MDGA2: variants seen among roughly 807,000 people sequenced by gnomAD.
The protein encoded by MDGA2 is MAM domain containing glycosylphosphatidylinositol anchor 2, also known as MAM domain-containing glycosylphosphatidylinositol anchor protein 2.
Under a neutral mutation model 117.8 loss-of-function variants are expected in MDGA2, and 40 were observed. The ratio of observed to expected loss-of-function variants is 0.34; its 90% CI spans 0.26 to 0.44. The LOEUF (loss-of-function observed/expected upper bound fraction) is 0.44, where lower values mean the gene tolerates loss of function less well. Ranked by LOEUF, MDGA2 falls within the 20% of genes least tolerant of loss-of-function variation. The pLI, the probability that MDGA2 is intolerant of heterozygous loss-of-function variation, is 1.00. For synonymous variants in MDGA2, 452 were observed against 439.0 expected (o/e 1.03, Z -0.37); for missense variants, 1,123 against 1,250.6 (o/e 0.90, Z 1.54).
At chr14:47,164,666 G>A (rs2139291379) in intron 3 of MDGA2, among the ~76,000 whole-genome samples, 1 of 152,174 alleles carries the variant, frequency 6.6e-6, no homozygotes, top group East Asian at 1.9e-4. Flanking sequence ...CTGTAAACTA[G>A]TTCAACCATT....
At chr14:47,086,718 G>C (rs1267910898) in intron 6 of MDGA2, among the ~76,000 whole-genome samples, 3 of 152,032 alleles carry the variant, frequency 2.0e-5, no homozygotes, top group Admixed American at 6.5e-5. Context: ...GGCAGCAAAT[G>C]AAAGAGACAT....
intron 7 of MDGA2, among the ~76,000 whole-genome samples, chr14:47,057,634 CTCCCCTCCTT>C (rs1458309552): frequency 1.4e-4 from 1 of 7,360 alleles, no homozygotes; most frequent in Non-Finnish European, 3.4e-4. Context: ...CTCCCCTCCC[CTCCCCTCCTT>C]TCCCCTCCCC....
intron 1 of MDGA2, among the ~76,000 whole-genome samples, chr14:47,408,864 A>G (rs1892314017): frequency 6.6e-6 from 1 of 152,188 alleles, no homozygotes; most frequent in African/African-American, 2.4e-5. Context: ...TGAGACTCTT[A>G]TCAAGAAGGT....
chr14:47,083,400 A>G (rs1444021099), intron 6 of MDGA2, among the ~76,000 whole-genome samples: 2 of 151,976 alleles, frequency 1.3e-5, no homozygotes, highest in Non-Finnish European at 2.9e-5. Flanking sequence ...AAATAAATCA[A>G]AATGTAAACC....
At chr14:47,595,463 G>A (rs1344066651) in intron 1 of MDGA2, among the ~76,000 whole-genome samples, 1 of 151,200 alleles carries the variant, frequency 6.6e-6, no homozygotes, top group African/African-American at 2.4e-5. Context: ...GAACCTGGGA[G>A]GTGGAGGTTT....
chr14:47,214,599 CT>C (rs1390088022), intron 3 of MDGA2, among the ~76,000 whole-genome samples: 1 of 151,962 alleles, frequency 6.6e-6, no homozygotes, highest in Non-Finnish European at 1.5e-5. Flanking sequence ...GATACATAAA[CT>C]TTCTCAAAGT....
Position 46,920,049 on chromosome 14 carries a change from A to G in MDGA2, c.2201T>C (p.Val734Ala). Reference sequence around the variant, plus strand: ...CAACCGGTATGCAACAATCCGATCCACTGCATCAGGATTCATCTGTGTCCA... The same window carrying G: ...CAACCGGTATGCAACAATCCGATCCGCTGCATCAGGATTCATCTGTGTCCA... Reference protein sequence around the residue: ...LQWTQMNPDAVDRIVAYRLGI... With the variant: ...LQWTQMNPDAADRIVAYRLGI... The change falls in exon 10 of 17, where the codon GTG (valine) becomes GCG (alanine). Residue 734 changes from valine (V) to alanine (A), a missense_variant. Physicochemically the swap from Val to Ala is moderately conservative, Grantham distance 64. Transcript: ENST00000399232. The G allele has an allele frequency of 6.3e-7, 1 of 1,591,260 alleles. No homozygotes were observed. The highest frequency in any genetic ancestry group is 8.5e-7 in the Non-Finnish European group (1 of 1,171,240).
intron 1 of MDGA2, among the ~76,000 whole-genome samples, chr14:47,555,870 G>C (rs1895672517): frequency 6.6e-6 from 1 of 152,084 alleles, no homozygotes; most frequent in Admixed American, 6.5e-5. Context: ...AGCCCTGCTT[G>C]TAAACCCTAA....
chr14:46,931,808 C>T (rs1040783878), intron 9 of MDGA2, among the ~76,000 whole-genome samples: 2 of 152,064 alleles, frequency 1.3e-5, no homozygotes, highest in African/African-American at 4.8e-5. Context: ...CAGGCATGAG[C>T]CACTGCACCC....
intron 8 of MDGA2, among the ~76,000 whole-genome samples, chr14:47,018,733 G>GAAAAAAAAAAAAAAAAAA (rs60442845): frequency 5.2e-5 from 2 of 38,662 alleles, no homozygotes; most frequent in Admixed American, 3.4e-4. Context: ...CCATTTTACT[G>GAAAAAAAAAAAAAAAAAA]AAAAAAAAAA....
chr14:47,001,658 C>G (rs975862840), intron 8 of MDGA2, among the ~76,000 whole-genome samples: 1 of 151,976 alleles, frequency 6.6e-6, no homozygotes, highest in Non-Finnish European at 1.5e-5. Flanking sequence ...GCAAACTACA[C>G]AAAATGTAAT....
At chr14:47,609,428 C>CATATATATATATATATACATATAT (rs1896800843) in intron 1 of MDGA2, among the ~76,000 whole-genome samples, 1 of 17,558 alleles carries the variant, frequency 5.7e-5, no homozygotes, top group African/African-American at 1.2e-4. Context: ...AGTATTCCAT[C>CATATATATATATATATACATATAT]ATATATATAT....
chr14:47,089,657 G>T (rs532760441), intron 6 of MDGA2, among the ~76,000 whole-genome samples: 1 of 151,902 alleles, frequency 6.6e-6, no homozygotes, highest in Non-Finnish European at 1.5e-5. Flanking sequence ...CAACCTGCAG[G>T]TTTGTTACAT....
intron 1 of MDGA2, among the ~76,000 whole-genome samples, chr14:47,442,717 T>G (rs1203591513): frequency 3.3e-5 from 5 of 152,142 alleles, no homozygotes; most frequent in Non-Finnish European, 5.9e-5. Context: ...TTCCTGCGGA[T>G]ACCACATCTG....
At chr14:47,206,868 G>T (rs1371077603) in intron 3 of MDGA2, among the ~76,000 whole-genome samples, 1 of 151,802 alleles carries the variant, frequency 6.6e-6, no homozygotes, top group Non-Finnish European at 1.5e-5. Context: ...TCCAGCCTGG[G>T]CAACAGAGTG....
At chr14:47,000,332 T>A (rs946982116) in intron 8 of MDGA2, among the ~76,000 whole-genome samples, 1 of 103,330 alleles carries the variant, frequency 9.7e-6, no homozygotes, top group African/African-American at 3.1e-5. Context: ...TATATATATA[T>A]TTATATATAT....
chr14:47,173,578 A>C (rs1884285116), intron 3 of MDGA2, among the ~76,000 whole-genome samples: 1 of 152,152 alleles, frequency 6.6e-6, no homozygotes, highest in African/African-American at 2.4e-5. Flanking sequence ...GAAATAAAAT[A>C]CTTTACAGAC....
chr14:47,510,660 A>T (rs1894620015), intron 1 of MDGA2, among the ~76,000 whole-genome samples: 1 of 152,188 alleles, frequency 6.6e-6, no homozygotes, highest in Admixed American at 6.5e-5. Context: ...CACCTAGGTG[A>T]TATAAGGATA....
chr14:47,482,511 T>G (rs1330905602), intron 1 of MDGA2, among the ~76,000 whole-genome samples: 2 of 152,082 alleles, frequency 1.3e-5, no homozygotes, highest in Non-Finnish European at 2.9e-5. Context: ...CAGAGAGCAA[T>G]GGACTAGAGT....
Sources: allele counts gnomAD v4.1 joint callset (sites outside exome capture counted in the v4.1 genomes callset), GRCh38; gene constraint gnomAD v4.1.1; transcripts MANE v1.5; gene names NCBI Gene and HGNC (gene_info 2026-07-23, HGNC 2026-07-21).